The following NAV2 variants were observed in gnomAD, a reference collection of about 807,000 sequenced individuals.
NAV2 encodes the protein helicase, APC down-regulated 1.
Under a neutral mutation model 223.2 loss-of-function variants are expected in NAV2, and 54 were observed. The ratio of observed to expected loss-of-function variants is 0.24; its 90% CI spans 0.19 to 0.30. The LOEUF is 0.30. NAV2 is among the 10% of genes least tolerant of loss of function. The probability of loss-of-function intolerance (pLI) is 1.00; values close to 1 mark genes in which losing one functional copy is unlikely to be tolerated. For synonymous variants in NAV2, 1,279 were observed against 1,239.3 expected (o/e 1.03, Z -0.67); for missense variants, 2,806 against 3,147.5 (o/e 0.89, Z 2.60).
chr11:19,454,305 T>TG (rs1231974581), intron 1 of NAV2, among the ~76,000 whole-genome samples: 3 of 152,104 alleles, frequency 2.0e-5, no homozygotes, highest in Admixed American at 6.5e-5. Context: ...CTCATAGGGT[T>TG]GGGGGCCACA....
At chr11:19,589,528 G>T (rs1174598734) in intron 1 of NAV2, among the ~76,000 whole-genome samples, 1 of 152,188 alleles carries the variant, frequency 6.6e-6, no homozygotes, top group Non-Finnish European at 1.5e-5. Context: ...AAGCGGGAAA[G>T]GGATTCCCAG....
chr11:19,479,926 T>C (rs2042229366), intron 1 of NAV2, among the ~76,000 whole-genome samples: 3 of 152,304 alleles, frequency 2.0e-5, no homozygotes, highest in Non-Finnish European at 2.9e-5. Context: ...GTAGGGCAGA[T>C]TGGCAAACTG....
rs543681670 is a variant in NAV2 at position 19,437,927 on chromosome 11, A to G, written c.75+86900A>G. Among the ~76,000 whole-genome samples, 115 of 152,310 alleles carry G rather than the reference A, an allele frequency of 7.6e-4. 1 individual carries two copies. In the South Asian group the frequency reaches 0.024, roughly 31 times the overall value. ...TTTCAGAATCACTTCTGAGTCATTG[A>G]TATGTGTATTTTTCTCCATAATATC... On this transcript the variant is annotated intron_variant, in intron 1 of 37. Transcript: ENST00000360655.
intron 1 of NAV2, among the ~76,000 whole-genome samples, chr11:19,521,270 G>C (rs1252399079): frequency 6.6e-6 from 1 of 152,116 alleles, no homozygotes; most frequent in African/African-American, 2.4e-5. Context: ...AGGAGGGTGA[G>C]GGGGCTGTGA....
intron 4 of NAV2, among the ~76,000 whole-genome samples, chr11:19,874,820 G>C (rs1224241238): frequency 6.6e-6 from 1 of 152,180 alleles, no homozygotes. Context: ...ACTGACAAAT[G>C]CTCTAACATC....
At chr11:19,661,992 C>T (rs553486086) in intron 1 of NAV2, among the ~76,000 whole-genome samples, 1 of 152,192 alleles carries the variant, frequency 6.6e-6, no homozygotes, top group East Asian at 1.9e-4. Flanking sequence ...CTACTGGCTG[C>T]CTGGAATGCA....
chr11:19,778,200 G>A, intron 1 of NAV2: 1 of 394,516 alleles, frequency 2.5e-6, no homozygotes. Flanking sequence ...AATGTGATCG[G>A]AAATCTCTGG....
intron 1 of NAV2, among the ~76,000 whole-genome samples, chr11:19,799,746 A>G: frequency 6.6e-6 from 1 of 152,144 alleles, no homozygotes; most frequent in Middle Eastern, 3.2e-3. Context: ...AGTAGAGATA[A>G]TGAGGTCAAG....
intron 11 of NAV2, among the ~76,000 whole-genome samples, chr11:19,986,260 AC>A (rs2050787103): frequency 1.3e-5 from 2 of 152,264 alleles, no homozygotes; most frequent in Non-Finnish European, 2.9e-5. Context: ...GTATGGTTAA[AC>A]CAAATGGACA....
At chr11:20,077,403 A>G in intron 22 of NAV2, 149 bp from the exon 23 acceptor site, 1 of 589,172 alleles carries the variant, frequency 1.7e-6, no homozygotes, top group East Asian at 2.8e-5. Flanking sequence ...CTGGATCCCA[A>G]AGAGTGGTGG....
chr11:19,612,580 A>G (rs1464272645), intron 1 of NAV2, among the ~76,000 whole-genome samples: 2 of 152,188 alleles, frequency 1.3e-5, no homozygotes, highest in Middle Eastern at 3.2e-3. Context: ...TCTCTAGGGC[A>G]GGGGTAAAAT....
At chr11:19,872,377 T>G (rs2062568482) in intron 4 of NAV2, among the ~76,000 whole-genome samples, 2 of 152,166 alleles carry the variant, frequency 1.3e-5, no homozygotes, top group South Asian at 4.1e-4. Context: ...CTACACATTA[T>G]AAAAAGGAGG....
chr11:19,775,533 G>T (rs916754100), intron 1 of NAV2, among the ~76,000 whole-genome samples: 2 of 152,202 alleles, frequency 1.3e-5, no homozygotes, highest in Non-Finnish European at 2.9e-5. Flanking sequence ...GGGTACTGGG[G>T]AACAGTAGGG....
At chr11:20,007,861 G>A (rs547516377) in intron 11 of NAV2, among the ~76,000 whole-genome samples, 21 of 152,206 alleles carry the variant, frequency 1.4e-4, no homozygotes, top group African/African-American at 3.6e-4. Flanking sequence ...TGCTATCCCC[G>A]CACACACTTT....
intron 2 of NAV2, among the ~76,000 whole-genome samples, chr11:19,841,620 ACAGAGG>A (rs2060515518): frequency 6.6e-6 from 1 of 152,150 alleles, no homozygotes; most frequent in Non-Finnish European, 1.5e-5. Context: ...TAAGAACAAA[ACAGAGG>A]CAGGTACAGG....
At chr11:19,595,332 G>A (rs1483292681) in intron 1 of NAV2, among the ~76,000 whole-genome samples, 1 of 152,218 alleles carries the variant, frequency 6.6e-6, no homozygotes. Context: ...TGAACTATCT[G>A]TATGGGGCTT....
chr11:20,101,644 G>C (rs2439871), intron 32 of NAV2, among the ~76,000 whole-genome samples: 95,016 of 151,934 alleles, frequency 0.63, 30,991 homozygotes, highest in Middle Eastern at 0.77. Flanking sequence ...GGAAACAGAG[G>C]CTTGAAGCAG....
chr11:19,527,961 C>CACACACACACACACACACACAG (rs1388364119), intron 1 of NAV2, among the ~76,000 whole-genome samples: 1 of 151,960 alleles, frequency 6.6e-6, no homozygotes, highest in African/African-American at 2.4e-5. Flanking sequence ...CACACACACA[C>CACACACACACACACACACACAG]ACACACACAC....
At chr11:19,684,284 T>C (rs2048959844) in intron 1 of NAV2, among the ~76,000 whole-genome samples, 1 of 152,220 alleles carries the variant, frequency 6.6e-6, no homozygotes, top group Non-Finnish European at 1.5e-5. Context: ...CTTCAGCCCT[T>C]GTCACAATGT....
Sources: allele counts gnomAD v4.1 joint callset (sites outside exome capture counted in the v4.1 genomes callset), GRCh38; gene constraint gnomAD v4.1.1; transcripts MANE v1.5; gene names NCBI Gene and HGNC (gene_info 2026-07-23, HGNC 2026-07-21).